The following PKD1L3 variants were observed in gnomAD, a reference collection of about 807,000 sequenced individuals.
PKD1L3 encodes polycystin 1 like 3, transient receptor potential channel interacting.
In PKD1L3, 239 loss-of-function variants were observed where a neutral mutation model predicts 184.1. The ratio of observed to expected loss-of-function variants is 1.30; its 90% CI spans 1.17 to 1.45. The LOEUF (loss-of-function observed/expected upper bound fraction) is 1.45, where lower values mean the gene tolerates loss of function less well. Ranked by LOEUF, PKD1L3 falls within the 40% of genes most tolerant of loss-of-function variation. The pLI is 0.00. For synonymous variants in PKD1L3, 996 were observed against 778.8 expected (o/e 1.28, Z -4.64); for missense variants, 2,660 against 2,067.2 (o/e 1.29, Z -5.56).
rs1216373299 is a variant in PKD1L3 at position 71,999,931 on chromosome 16, A to G, written c.48T>C (p.Ser16=). The G allele has an allele frequency of 1.9e-6, 3 of 1,548,928 alleles. No homozygotes were observed. Among genetic ancestry groups the G allele is most frequent in the South Asian group, 1.2e-5 (1 of 83,814 alleles). Residue 16 remains serine, a synonymous_variant, in exon 1 of 30, where the codon AGT becomes AGC. Coordinates refer to ENST00000620267, the MANE Select transcript of PKD1L3 (RefSeq NM_181536.2). ...GSWLWLYIRT[S]IILGSELNSP... ...TGTTTAGCTCACTTCCTAGAATAATACTTGTTCTGATGTATAACCAAAGCC... is the reference window on the plus strand; with the variant it reads ...TGTTTAGCTCACTTCCTAGAATAATGCTTGTTCTGATGTATAACCAAAGCC...
chr16:71,975,485 T>C (rs572900633), intron 11 of PKD1L3, among the ~76,000 whole-genome samples: 1 of 152,300 alleles, frequency 6.6e-6, no homozygotes, highest in Non-Finnish European at 1.5e-5. Flanking sequence ...AATCTAAGAT[T>C]AGAAATAAAG....
In PKD1L3 at chr16:71,929,600, A is replaced by T; in HGVS notation, c.5137T>A (p.Ser1713Thr). 1 of 1,551,848 alleles carries T rather than the reference A, an allele frequency of 6.4e-7. No individual in the cohort carries two copies. Among genetic ancestry groups the T allele is most frequent in the Non-Finnish European group, 8.7e-7 (1 of 1,147,018 alleles). ...LGISWPQKTS[S>T]EQAATTAVGS... is the part of the protein sequence containing the mutation. Reference sequence around the variant, plus strand: ...ACTGCTGTCGTGGCTGCTTGCTCAGATGAGGTTTTTTGGGGCCAACTGATT... The same window carrying T: ...ACTGCTGTCGTGGCTGCTTGCTCAGTTGAGGTTTTTTGGGGCCAACTGATT... Residue 1713 changes from serine to threonine, a missense_variant, in exon 30 of 30, where the codon TCT (serine) becomes ACT (threonine). Coordinates refer to ENST00000620267, the MANE Select transcript of PKD1L3 (RefSeq NM_181536.2).
At position 71,964,849 on chromosome 16, in the gene PKD1L3, A is replaced by ATTTT. The variant is rs35311851; in HGVS notation, c.2466-1502_2466-1499dup. ...ATATGCTCTCTCTCTATATATATGT[A>ATTTT]TTTTTTTTTTTTTTTGAGGCAGGAT... On this transcript the variant is annotated intron_variant, in intron 15 of 29. Transcript: ENST00000620267. 1.7e-4 allele frequency among the ~76,000 whole-genome samples: 24 copies of ATTTT among 137,628 alleles called. 1 individual carries two copies. Among genetic ancestry groups the ATTTT allele is most frequent in the African/African-American group, 6.5e-4 (24 of 36,950 alleles). 90.3% of individuals were successfully genotyped at this position (137,628 alleles called of 152,430 possible).
Position 71,986,330 on chromosome 16 carries a change from G to C in PKD1L3, c.725C>G (p.Thr242Arg), listed in dbSNP as rs369318474. The C allele has an allele frequency of 3.9e-6, 6 of 1,552,078 alleles. 1 individual carries two copies. In the South Asian group the frequency reaches 7.1e-5, roughly 18 times the overall value. ...TTCTGCCAGAGATTGCCCAGCATGC[G>C]TGACAGACACGGGCATGGTGAGCTG... ...ITQLTMPVSV[T>R]HAGQSLAETT... is the part of the protein sequence containing the mutation. Residue 242 changes from threonine to arginine, a missense_variant, in exon 5 of 30, where the codon ACG (threonine) becomes AGG (arginine). Physicochemically the swap from Thr to Arg is moderately conservative, Grantham distance 71. Transcript: ENST00000620267.
At chr16:71,969,391 A>G (rs2039624289) in intron 13 of PKD1L3, among the ~76,000 whole-genome samples, 1 of 151,194 alleles carries the variant, frequency 6.6e-6, no homozygotes, top group Non-Finnish European at 1.5e-5. Context: ...TGCAGCTTCA[A>G]GGCTCCTGGG....
rs1239290066 is a variant in PKD1L3 at position 71,988,586 on chromosome 16, T to A, written c.585+1694A>T. ...GAGAAGGGGTTAGATTTGGGACCTG[T>A]GAAAGACTGCAAAGTCCTATAGTCA... On this transcript the variant is annotated intron_variant, in intron 4 of 29. Transcript: ENST00000620267. Among the ~76,000 whole-genome samples the A allele has an allele frequency of 2.0e-5, 3 of 152,304 alleles. No homozygotes were observed. In the South Asian group the frequency reaches 6.2e-4, roughly 32 times the overall value.
At chr16:71,981,535 CTTTT>C (rs543488508) in intron 7 of PKD1L3, among the ~76,000 whole-genome samples, 422 of 105,020 alleles carry the variant, frequency 4.0e-3, no homozygotes, top group African/African-American at 0.015. Flanking sequence ...TTCCTAAATT[CTTTT>C]TTTTTTTTTT....
chr16:71,985,781 G>A (rs2040335608), intron 5 of PKD1L3, among the ~76,000 whole-genome samples: 1 of 152,114 alleles, frequency 6.6e-6, no homozygotes, highest in Non-Finnish European at 1.5e-5. Flanking sequence ...TGCCCAGTCT[G>A]GTCTAAAACT....
chr16:71,932,047 C>T (rs973511465), intron 28 of PKD1L3, among the ~76,000 whole-genome samples: 1 of 152,178 alleles, frequency 6.6e-6, no homozygotes. Flanking sequence ...CCTGACTCTT[C>T]TACTGTATTT....
intron 16 of PKD1L3, among the ~76,000 whole-genome samples, chr16:71,961,096 T>C (rs1016864452): frequency 4.6e-5 from 7 of 151,366 alleles, no homozygotes; most frequent in African/African-American, 1.7e-4. Flanking sequence ...TTGCTGAGAG[T>C]CCATGATTTT....
intron 5 of PKD1L3, 51 bp downstream of exon 5, chr16:71,986,170 T>G: frequency 6.5e-7 from 1 of 1,540,760 alleles, no homozygotes; most frequent in South Asian, 1.2e-5. Context: ...GTGAACCAAG[T>G]ACTTTTTGGG....
intron 21 of PKD1L3, 47 bp downstream of exon 21, chr16:71,949,736 T>TC: frequency 2.7e-6 from 4 of 1,491,350 alleles, no homozygotes; most frequent in Non-Finnish European, 3.6e-6. Context: ...GGACCTCAGT[T>TC]CCCCTAACTT....
intron 4 of PKD1L3, among the ~76,000 whole-genome samples, chr16:71,986,775 C>A (rs771429563): frequency 9.9e-5 from 15 of 152,096 alleles, no homozygotes; most frequent in Non-Finnish European, 2.1e-4. Flanking sequence ...CAAGTTCCTG[C>A]GCTTGTCGAG....
chr16:71,977,055 T>C (rs1400722614), intron 11 of PKD1L3, among the ~76,000 whole-genome samples, 181 bp downstream of exon 11: 1 of 152,200 alleles, frequency 6.6e-6, no homozygotes, highest in African/African-American at 2.4e-5. Flanking sequence ...CAAAATTTTT[T>C]TTAAGAAATT....
At chr16:71,997,752 A>AAAT (rs1555528553) in intron 2 of PKD1L3, among the ~76,000 whole-genome samples, 2 of 145,632 alleles carry the variant, frequency 1.4e-5, no homozygotes, top group Non-Finnish European at 3.0e-5. Context: ...CAGTCTTGGA[A>AAAT]AAATAAATAA....
Position 71,954,234 on chromosome 16 carries a change from G to C in PKD1L3, c.2680C>G (p.Arg894Gly), listed in dbSNP as rs376105314. ...QDYLWLSIAT[R>G]HPWNQFTRVQ... ...CTTGTAAACTGGTTCCAGGGATGCC[G>C]AGTTGCAATTGAAAGCCACAGATAA... Residue 894 changes from arginine to glycine, a missense_variant, in exon 17 of 30, where the codon CGG (arginine) becomes GGG (glycine). Arg to Gly is a moderately radical substitution (Grantham distance 125). Coordinates refer to ENST00000620267, the MANE Select transcript of PKD1L3 (RefSeq NM_181536.2). The C allele has an allele frequency of 6.4e-6, 10 of 1,550,714 alleles. No individual in the cohort carries two copies. Among genetic ancestry groups the C allele is most frequent in the Admixed American group, 2.0e-5 (1 of 50,794 alleles).
intron 7 of PKD1L3, 113 bp downstream of exon 7, chr16:71,981,946 A>G: frequency 8.3e-7 from 1 of 1,199,108 alleles, no homozygotes; most frequent in Non-Finnish European, 1.1e-6. Flanking sequence ...CTTCTGCAGC[A>G]GAAACTTCAG....
chr16:71,965,066 TCA>T (rs2039449916), intron 15 of PKD1L3, among the ~76,000 whole-genome samples: 1 of 152,084 alleles, frequency 6.6e-6, no homozygotes, highest in Non-Finnish European at 1.5e-5. Flanking sequence ...CAGGCTGGTC[TCA>T]AACTCCTGAC....
Position 71,941,915 on chromosome 16 carries a change from A to G in PKD1L3, c.4324+645T>C, listed in dbSNP as rs576763177. On this transcript the variant is annotated intron_variant, in intron 24 of 29. Coordinates refer to ENST00000620267, the MANE Select transcript of PKD1L3 (RefSeq NM_181536.2). The stretch of plus-strand genomic sequence containing the variant: ...ACATTCTTTCATAACTCAGAGGACA[A>G]AGAAAAAAACCTAAAAACTTTTGGG... 2.6e-5 allele frequency among the ~76,000 whole-genome samples: 4 copies of G among 152,108 alleles called. No homozygotes were observed. The East Asian group carries it at 7.7e-4, about 29-fold the overall frequency.
Sources: allele counts gnomAD v4.1 joint callset (sites outside exome capture counted in the v4.1 genomes callset), GRCh38; gene constraint gnomAD v4.1.1; transcripts MANE v1.5; gene names NCBI Gene and HGNC (gene_info 2026-07-23, HGNC 2026-07-21).